Variants in ARMC8 observed in about 807,000 individuals in gnomAD.
ARMC8 encodes armadillo repeat-containing protein 8.
ARMC8 carries 20 observed loss-of-function variants against 99.3 expected under a neutral mutation model. That is an observed-to-expected ratio of 0.20 (90% confidence interval 0.14 to 0.29). The LOEUF (loss-of-function observed/expected upper bound fraction) is 0.29. ARMC8 is among the 10% of genes least tolerant of loss of function. The probability of loss-of-function intolerance (pLI) is 1.00; values close to 1 mark genes in which losing one functional copy is unlikely to be tolerated. For missense variants in ARMC8, 569 were observed against 809.5 expected, an observed-to-expected ratio of 0.70 and a Z score of 3.60; for synonymous variants, 263 against 278.3, an observed-to-expected ratio of 0.95 and a Z score of 0.55.
rs1239301365 is a variant in ARMC8, at chr3:138,241,992, T to A, written c.1038+9T>A. 1 of 1,611,872 alleles carries A rather than the reference T, an allele frequency of 6.2e-7. No homozygotes were observed. The highest frequency in any genetic ancestry group is 8.5e-7 in the Non-Finnish European group (1 of 1,178,390). On this transcript the variant is annotated intron_variant, in intron 11 of 21. Transcript: ENST00000469044. ...TCACTGATATTAAAAGGGTATGTTA[T>A]TTTCCTTTTTTAGCAGCTCAAGGGA... is the stretch of plus-strand genomic sequence containing the variant.
At chr3:138,280,881 G>A (rs1200986384) in intron 18 of ARMC8, among the ~76,000 whole-genome samples, 1 of 152,148 alleles carries the variant, frequency 6.6e-6, no homozygotes, top group African/African-American at 2.4e-5. Context: ...ACCTGCCTCG[G>A]CCTCCCAAAG....
At chr3:138,187,784 G>T in intron 1 of ARMC8, 185 bp downstream of exon 1, 1 of 626,982 alleles carries the variant, frequency 1.6e-6, no homozygotes, top group Non-Finnish European at 2.7e-6. Context: ...CCGCGGCCGA[G>T]CCAAAGACGT....
intron 12 of ARMC8, among the ~76,000 whole-genome samples, chr3:138,254,720 C>T (rs552325501): frequency 7.9e-5 from 12 of 152,036 alleles, no homozygotes; most frequent in Non-Finnish European, 1.6e-4. Flanking sequence ...TATGTTTATA[C>T]CTTTGGTTTT....
chr3:138,255,089 C>T (rs1203384441), intron 12 of ARMC8, among the ~76,000 whole-genome samples: 1 of 152,020 alleles, frequency 6.6e-6, no homozygotes. Context: ...CAAAAAGAGG[C>T]CCTACAGACC....
intron 16 of ARMC8, among the ~76,000 whole-genome samples, 154 bp downstream of exon 16, chr3:138,270,286 G>C (rs1167752822): frequency 6.6e-6 from 1 of 152,104 alleles, no homozygotes; most frequent in East Asian, 1.9e-4. Flanking sequence ...GACCTAGAAG[G>C]CTTAGTATTA....
chr3:138,253,241 T>C (rs2047226556), intron 12 of ARMC8, among the ~76,000 whole-genome samples: 1 of 152,170 alleles, frequency 6.6e-6, no homozygotes, highest in Non-Finnish European at 1.5e-5. Flanking sequence ...GGAAACCATA[T>C]ACAACAGAAA....
chr3:138,209,176 C>T (rs1370280845), intron 1 of ARMC8, among the ~76,000 whole-genome samples: 1 of 152,136 alleles, frequency 6.6e-6, no homozygotes. Context: ...AAGTAATATT[C>T]CTATCTATTA....
chr3:138,213,247 C>G (rs895821414), intron 2 of ARMC8, among the ~76,000 whole-genome samples: 4 of 152,238 alleles, frequency 2.6e-5, no homozygotes, highest in African/African-American at 9.6e-5. Flanking sequence ...AATATGGGAA[C>G]TTTGTAGATA....
At chr3:138,237,838 CCTT>C (rs1327316640) in intron 9 of ARMC8, among the ~76,000 whole-genome samples, 3 of 152,076 alleles carry the variant, frequency 2.0e-5, no homozygotes, top group Non-Finnish European at 4.4e-5. Flanking sequence ...AAACTACTGT[CCTT>C]CTACTTCAGT....
At chr3:138,221,713 C>A (rs558905166) in intron 2 of ARMC8, among the ~76,000 whole-genome samples, 1 of 152,276 alleles carries the variant, frequency 6.6e-6, no homozygotes, top group Admixed American at 6.5e-5. Context: ...TTCGCCAGTA[C>A]TCAGGATATC....
Position 138,223,628 on chromosome 3 carries a change from G to A in ARMC8, c.338-8G>A, listed in dbSNP as rs777653017. 3 of 1,613,968 alleles carry A rather than the reference G, an allele frequency of 1.9e-6. No homozygotes were observed. The highest frequency in any genetic ancestry group is 1.7e-5 in the Admixed American group (1 of 60,024). On this transcript the variant is annotated splice_region_variant and splice_polypyrimidine_tract_variant and intron_variant, in intron 4 of 21. Transcript: ENST00000469044. ...AGGATTAGTCCTAAATCTCATTTCTGTTAATAGGACTACTGTCCCCAGACC... is the reference window on the plus strand; with the variant it reads ...AGGATTAGTCCTAAATCTCATTTCTATTAATAGGACTACTGTCCCCAGACC...
chr3:138,287,534 C>A, intron 19 of ARMC8: 2 of 407,034 alleles, frequency 4.9e-6, no homozygotes, highest in South Asian at 1.8e-5. Flanking sequence ...ATAGTAAATG[C>A]ATATTTGTTA....
intron 18 of ARMC8, among the ~76,000 whole-genome samples, chr3:138,283,975 G>A (rs1173157373): frequency 2.0e-5 from 3 of 152,212 alleles, no homozygotes; most frequent in Non-Finnish European, 1.5e-5. Context: ...GGAGCAAGCA[G>A]CAGGTGGAGG....
chr3:138,243,940 G>A (rs899564288), intron 11 of ARMC8, among the ~76,000 whole-genome samples: 4 of 152,110 alleles, frequency 2.6e-5, no homozygotes, highest in Non-Finnish European at 2.9e-5. Context: ...TTACATTAAG[G>A]CTTTTAGTTA....
intron 1 of ARMC8, among the ~76,000 whole-genome samples, chr3:138,204,092 C>G (rs536228444): frequency 4.1e-4 from 63 of 152,288 alleles, no homozygotes; most frequent in African/African-American, 1.3e-3. Context: ...CTGAAGAGAA[C>G]TTTCACAAGC....
intron 1 of ARMC8, among the ~76,000 whole-genome samples, chr3:138,195,596 A>T (rs1384922337): frequency 6.6e-6 from 1 of 152,180 alleles, no homozygotes; most frequent in Non-Finnish European, 1.5e-5. Flanking sequence ...CAGGAATGTC[A>T]GTGATTCTGA....
intron 2 of ARMC8, among the ~76,000 whole-genome samples, chr3:138,220,693 C>CT (rs1198710255): frequency 0.028 from 3,929 of 139,638 alleles, 166 homozygotes; most frequent in African/African-American, 0.092. Flanking sequence ...ATTTTTTTTT[C>CT]TTTTTTTTTT....
At chr3:138,246,615 C>T (rs563666319) in intron 12 of ARMC8, 3 of 985,614 alleles carry the variant, frequency 3.0e-6, no homozygotes, top group Non-Finnish European at 3.6e-6. Flanking sequence ...TCTAAAAAAC[C>T]ATCTCATGGA....
At chr3:138,276,320 C>G (rs907915728) in intron 18 of ARMC8, among the ~76,000 whole-genome samples, 3 of 152,186 alleles carry the variant, frequency 2.0e-5, no homozygotes, top group Non-Finnish European at 4.4e-5. Context: ...TACAGTGTTT[C>G]AGTTTTGACA....
Sources: allele counts gnomAD v4.1 joint callset (sites outside exome capture counted in the v4.1 genomes callset), GRCh38; gene constraint gnomAD v4.1.1; transcripts MANE v1.5; gene names NCBI Gene and HGNC (gene_info 2026-07-23, HGNC 2026-07-21).